The following SCRG1 variants were observed in gnomAD, a reference collection of about 807,000 sequenced individuals.
SCRG1 encodes stimulator of chondrogenesis 1.
SCRG1 carries 3 observed loss-of-function variants against 7.7 expected under a neutral mutation model. The ratio of observed to expected loss-of-function variants is 0.39; its 90% CI spans 0.18 to 1.01. SCRG1 has a LOEUF of 1.01. Ranked by LOEUF, SCRG1 falls within the 50% of genes least tolerant of loss-of-function variation. The probability of loss-of-function intolerance (pLI) is 0.36; values close to 1 mark genes in which losing one functional copy is unlikely to be tolerated. For missense variants in SCRG1, 110 were observed against 117.2 expected (o/e 0.94, Z 0.28); for synonymous variants, 46 against 41.2 (o/e 1.12, Z -0.44).
the SCRG1 span, among the ~76,000 whole-genome samples, chr4:173,480,348 GT>G: frequency 4.0e-5 from 6 of 150,302 alleles, no homozygotes; most frequent in African/African-American, 9.7e-5. Context: ...ACCAGGACTG[GT>G]TTTTTTTGTT....
Position 173,387,151 on chromosome 4 carries a change from T to A in SCRG1, c.*1190A>T, listed in dbSNP as rs911091550. 3 of 152,142 alleles carry A rather than the reference T, an allele frequency of 2.0e-5. No individual in the cohort carries two copies. The highest frequency in any genetic ancestry group is 6.5e-5 in the Admixed American group (1 of 15,268). 9.4% of individuals were successfully genotyped at this position (152,142 alleles called of 1,614,324 possible). A position where few individuals can be genotyped will look rare whatever the true frequency, so the allele number is the denominator to read the frequency against. ...TTAAAAATGGATACTTTAGGAAATG[T>A]ATCATGGTTTTAAGGATACATCTGT... On this transcript the variant is annotated 3_prime_UTR_variant, in exon 3 of 3. Coordinates refer to ENST00000296506, the MANE Select transcript of SCRG1 (RefSeq NM_007281.4).
the SCRG1 span, among the ~76,000 whole-genome samples, chr4:173,444,390 A>G: frequency 2.0e-5 from 3 of 152,210 alleles, no homozygotes; most frequent in Non-Finnish European, 4.4e-5. Context: ...AACATTTTCC[A>G]TAAAGGACAT....
chr4:173,449,239 G>C, the SCRG1 span, among the ~76,000 whole-genome samples: 2 of 152,164 alleles, frequency 1.3e-5, no homozygotes, highest in Non-Finnish European at 2.9e-5. Flanking sequence ...AAGCTCTGTT[G>C]ACAATAAAAG....
chr4:173,483,845 A>AATATATATTTCATATTACATATGTT, the SCRG1 span, among the ~76,000 whole-genome samples: 3 of 16,342 alleles, frequency 1.8e-4, no homozygotes, highest in African/African-American at 3.6e-4. Context: ...TATAATATAT[A>AATATATATTTCATATTACATATGTT]ATATATATTT....
the SCRG1 span, among the ~76,000 whole-genome samples, chr4:173,424,472 A>G: frequency 1.2e-4 from 19 of 152,224 alleles, no homozygotes; most frequent in African/African-American, 4.3e-4. Flanking sequence ...CCTTATTAAA[A>G]GCAGATGATA....
chr4:173,516,744 C>T, the SCRG1 span, among the ~76,000 whole-genome samples: 1 of 152,144 alleles, frequency 6.6e-6, no homozygotes, highest in East Asian at 1.9e-4. Flanking sequence ...TGACAGACGC[C>T]CAGGGAAGGT....
At chr4:173,421,229 T>C in the SCRG1 span, among the ~76,000 whole-genome samples, 1 of 152,188 alleles carries the variant, frequency 6.6e-6, no homozygotes, top group African/African-American at 2.4e-5. Context: ...ATGTACTTTA[T>C]TGATTGCCCC....
At chr4:173,452,282 T>G in the SCRG1 span, among the ~76,000 whole-genome samples, 50 of 152,220 alleles carry the variant, frequency 3.3e-4, no homozygotes, top group East Asian at 5.4e-3. Context: ...ATATTTACTA[T>G]TCATTGAATG....
chr4:173,511,028 A>T, the SCRG1 span, among the ~76,000 whole-genome samples: 4 of 152,082 alleles, frequency 2.6e-5, no homozygotes, highest in African/African-American at 9.7e-5. The surrounding 1 kb of genome is among the most constrained non-coding windows in gnomAD (Gnocchi z 5.2). Flanking sequence ...GTGCAGTGGC[A>T]CTATCTCTGC....
At chr4:173,434,317 C>CT in the SCRG1 span, among the ~76,000 whole-genome samples, 2 of 152,032 alleles carry the variant, frequency 1.3e-5, no homozygotes, top group African/African-American at 4.8e-5. Context: ...TTATTAATTT[C>CT]TTTTTGATTT....
At chr4:173,452,510 T>G in the SCRG1 span, among the ~76,000 whole-genome samples, 9 of 152,190 alleles carry the variant, frequency 5.9e-5, no homozygotes, top group East Asian at 1.9e-4. Context: ...TTCTCAGATT[T>G]TAAAAAATCA....
At chr4:173,407,192 G>C (rs1036129701), upstream of SCRG1, among the ~76,000 whole-genome samples, 2 of 147,430 alleles carry the variant, frequency 1.4e-5, no homozygotes, top group African/African-American at 2.5e-5. Context: ...CTGGGCGACA[G>C]AGCGAGATCC....
chr4:173,426,743 A>G, the SCRG1 span, among the ~76,000 whole-genome samples: 1 of 152,226 alleles, frequency 6.6e-6, no homozygotes, highest in Admixed American at 6.5e-5. Context: ...TGCTGGGATT[A>G]CAGATGTGAG....
chr4:173,504,546 C>T, the SCRG1 span, among the ~76,000 whole-genome samples: 1 of 152,242 alleles, frequency 6.6e-6, no homozygotes, highest in South Asian at 2.1e-4. This position sits in a 1 kb window ranked among gnomAD's most constrained non-coding sequence, Gnocchi z 4.7. Flanking sequence ...GTGGAGAAAT[C>T]TGGTGTAATG....
the SCRG1 span, among the ~76,000 whole-genome samples, chr4:173,491,217 CT>C: frequency 2.0e-3 from 266 of 133,040 alleles, no homozygotes; most frequent in African/African-American, 6.7e-3. Context: ...CTCTCTCTCT[CT>C]TTTTTTTTTT....
At chr4:173,442,613 A>G in the SCRG1 span, among the ~76,000 whole-genome samples, 571 of 152,322 alleles carry the variant, frequency 3.7e-3, 3 homozygotes, top group Non-Finnish European at 6.1e-3. Flanking sequence ...TTCTGATGCT[A>G]TAATAGAACA....
chr4:173,490,266 T>C, the SCRG1 span, among the ~76,000 whole-genome samples: 2 of 152,196 alleles, frequency 1.3e-5, no homozygotes, highest in African/African-American at 4.8e-5. Flanking sequence ...CTTCCCAAAG[T>C]GTCAAGTAAA....
chr4:173,455,923 AG>A, the SCRG1 span, among the ~76,000 whole-genome samples: 1 of 152,122 alleles, frequency 6.6e-6, no homozygotes, highest in East Asian at 1.9e-4. Context: ...AAATATTTTG[AG>A]GGTTGTCAAG....
At chr4:173,502,816 A>C in the SCRG1 span, among the ~76,000 whole-genome samples, 1 of 151,536 alleles carries the variant, frequency 6.6e-6, no homozygotes, top group South Asian at 2.1e-4. The surrounding 1 kb of genome is among the most constrained non-coding windows in gnomAD (Gnocchi z 4.6). Flanking sequence ...AAATCTGTGT[A>C]AAGTTCCAAG....
Sources: gnomAD v4.1 joint callset for allele counts (sites outside exome capture counted in the v4.1 genomes callset) on GRCh38, gnomAD v4.1.1 for gene constraint, Gnocchi (gnomAD v3.1) non-coding constraint, MANE v1.5 for transcripts, NCBI Gene and HGNC (gene_info 2026-07-23, HGNC 2026-07-21) for gene names.